Variants in SPAG16 observed in about 807,000 individuals in gnomAD.
SPAG16 encodes the protein sperm associated antigen 16, also known as sperm-associated antigen 16 protein.
Under a neutral mutation model 80.4 loss-of-function variants are expected in SPAG16, and 86 were observed. The ratio of observed to expected loss-of-function variants is 1.07; its 90% CI spans 0.90 to 1.28. The LOEUF is 1.28. SPAG16 is among the 50% of genes most tolerant of loss of function. The probability of loss-of-function intolerance (pLI) is 0.00; values close to 1 mark genes in which losing one functional copy is unlikely to be tolerated. For missense variants in SPAG16, 870 were observed against 765.3 expected (o/e 1.14, Z -1.61); for synonymous variants, 294 against 265.9 (o/e 1.11, Z -1.03).
intron 15 of SPAG16, among the ~76,000 whole-genome samples, chr2:214,387,300 T>C (rs1424609524): frequency 6.6e-6 from 1 of 152,208 alleles, no homozygotes. Context: ...TAATACTCTA[T>C]ATTAAAGTAG....
At chr2:213,761,966 A>C (rs942363487) in intron 10 of SPAG16, among the ~76,000 whole-genome samples, 5 of 152,178 alleles carry the variant, frequency 3.3e-5, no homozygotes, top group African/African-American at 7.2e-5. Flanking sequence ...AATACTAGAA[A>C]ACAGAATTCT....
At chr2:213,742,283 A>G (rs1575004196) in intron 10 of SPAG16, among the ~76,000 whole-genome samples, 1 of 152,108 alleles carries the variant, frequency 6.6e-6, no homozygotes, top group Non-Finnish European at 1.5e-5. Context: ...CTAGTTGAAT[A>G]TTAATAAATT....
chr2:213,644,172 T>C (rs1295295119), intron 10 of SPAG16, among the ~76,000 whole-genome samples: 1 of 151,888 alleles, frequency 6.6e-6, no homozygotes, highest in Non-Finnish European at 1.5e-5. Context: ...TTTTCAGCTA[T>C]AGAATTTGTG....
chr2:213,904,204 TC>T (rs1443697781), intron 11 of SPAG16, among the ~76,000 whole-genome samples: 1 of 152,162 alleles, frequency 6.6e-6, no homozygotes, highest in Non-Finnish European at 1.5e-5. Flanking sequence ...AACGTCCCAC[TC>T]TACTGATACC....
intron 10 of SPAG16, among the ~76,000 whole-genome samples, chr2:213,832,391 G>A (rs2073721820): frequency 6.6e-6 from 1 of 152,056 alleles, no homozygotes; most frequent in Non-Finnish European, 1.5e-5. Context: ...GAAGGCTTTG[G>A]AATCAATGTC....
intron 10 of SPAG16, among the ~76,000 whole-genome samples, chr2:213,505,081 C>T (rs1321821228): frequency 6.6e-6 from 1 of 152,144 alleles, no homozygotes; most frequent in Non-Finnish European, 1.5e-5. Flanking sequence ...GTATCAGTGA[C>T]ATTTTGGTAT....
At chr2:213,392,297 T>C (rs2067794312) in intron 9 of SPAG16, among the ~76,000 whole-genome samples, 1 of 152,236 alleles carries the variant, frequency 6.6e-6, no homozygotes, top group Non-Finnish European at 1.5e-5. Flanking sequence ...CTTGAATGTT[T>C]CTTTGCAGCT....
intron 14 of SPAG16, among the ~76,000 whole-genome samples, chr2:214,126,357 G>A (rs1243423705): frequency 6.6e-6 from 1 of 151,330 alleles, no homozygotes. Flanking sequence ...GAAGGTCAGA[G>A]GCCCTTCCAA....
At chr2:213,356,584 G>A (rs3123639) in intron 7 of SPAG16, among the ~76,000 whole-genome samples, 14 of 152,196 alleles carry the variant, frequency 9.2e-5, no homozygotes, top group South Asian at 6.2e-4. Flanking sequence ...CTATGGGATC[G>A]GTGGGGATAT....
At chr2:213,655,735 A>G (rs1171482619) in intron 10 of SPAG16, among the ~76,000 whole-genome samples, 2 of 152,180 alleles carry the variant, frequency 1.3e-5, no homozygotes, top group African/African-American at 2.4e-5. Context: ...TGGTTGATCA[A>G]ATCCTATCAT....
intron 10 of SPAG16, among the ~76,000 whole-genome samples, chr2:213,775,811 C>A (rs147552405): frequency 6.6e-6 from 1 of 152,212 alleles, no homozygotes; most frequent in Non-Finnish European, 1.5e-5. Flanking sequence ...TTATCCTTTA[C>A]CTTAGATTTA....
Position 214,121,740 on chromosome 2 carries a change from A to C in SPAG16, c.1593+13479A>C, listed in dbSNP as rs565760837. Among the ~76,000 whole-genome samples, 11 of 151,984 alleles carry C rather than the reference A, an allele frequency of 7.2e-5. No homozygotes were observed. The South Asian group carries it at 2.3e-3, about 32-fold the overall frequency. ...GTAAGGTGAAAATTCAACACCTGAC[A>C]CCTTTGCTTTTTGCTAATTTAGTGT... On this transcript the variant is annotated intron_variant, in intron 14 of 15. Transcript: ENST00000331683.
intron 10 of SPAG16, among the ~76,000 whole-genome samples, chr2:213,787,832 A>G (rs1312271216): frequency 1.3e-5 from 2 of 152,044 alleles, no homozygotes; most frequent in African/African-American, 4.8e-5. Context: ...TTAAAATCAC[A>G]TACTCTTTTA....
Position 213,502,428 on chromosome 2 carries a change from T to G in SPAG16, c.1070+12338T>G, listed in dbSNP as rs112215767. On this transcript the variant is annotated intron_variant, in intron 10 of 15. Coordinates refer to ENST00000331683, the MANE Select transcript of SPAG16 (RefSeq NM_024532.5). ...ATGAGCCACTGCACCTGTCTCAAAA[T>G]TTCCTTTTTATACAAGGAACCACAT... Among the ~76,000 whole-genome samples the G allele has an allele frequency of 7.9e-4, 120 of 152,310 alleles. 2 individuals are homozygous for G. Among genetic ancestry groups the G allele is most frequent in the Middle Eastern group, 3.4e-3 (1 of 294 alleles).
chr2:213,876,940 A>G (rs887560681), intron 11 of SPAG16, among the ~76,000 whole-genome samples: 2 of 152,200 alleles, frequency 1.3e-5, no homozygotes, highest in African/African-American at 4.8e-5. Context: ...GTTAAAATGC[A>G]TGATGTAATT....
chr2:214,312,480 T>C (rs1445257268), intron 15 of SPAG16, among the ~76,000 whole-genome samples: 1 of 152,178 alleles, frequency 6.6e-6, no homozygotes, highest in Non-Finnish European at 1.5e-5. Flanking sequence ...GGACCTGACT[T>C]TGAGCTGTGT....
At position 213,392,341 on chromosome 2, in the gene SPAG16, A is replaced by G. The variant is rs1393013288; in HGVS notation, c.942+17222A>G. ...TACTTTTTGCCTAAAGTGTCATTGCATAATGCAGAGTGACTCTGGCATCAA... is the reference window on the plus strand; with the variant it reads ...TACTTTTTGCCTAAAGTGTCATTGCGTAATGCAGAGTGACTCTGGCATCAA... On this transcript the variant is annotated intron_variant, in intron 9 of 15. Transcript: ENST00000331683. Among the ~76,000 whole-genome samples, 5 of 152,252 alleles carry G rather than the reference A, an allele frequency of 3.3e-5. No individual in the cohort carries two copies. The South Asian group carries it at 6.2e-4, about 19-fold the overall frequency.
chr2:214,012,602 C>T (rs1402999615), intron 12 of SPAG16, among the ~76,000 whole-genome samples: 2 of 151,608 alleles, frequency 1.3e-5, no homozygotes, highest in Non-Finnish European at 2.9e-5. Context: ...GGCCAACTGA[C>T]TGATTATTAT....
chr2:214,267,592 C>A (rs1040490199), intron 15 of SPAG16, among the ~76,000 whole-genome samples: 44 of 151,454 alleles, frequency 2.9e-4, no homozygotes, highest in Admixed American at 2.5e-3. Flanking sequence ...CTGGTCTGGG[C>A]AATGATTTAT....
Sources: allele counts gnomAD v4.1 joint callset (sites outside exome capture counted in the v4.1 genomes callset), GRCh38; gene constraint gnomAD v4.1.1; transcripts MANE v1.5; gene names NCBI Gene and HGNC (gene_info 2026-07-23, HGNC 2026-07-21).